Variants in CDYL observed in about 807,000 individuals in gnomAD.
CDYL encodes chromodomain Y like.
CDYL carries 8 observed loss-of-function variants against 47.3 expected under a neutral mutation model. That is an observed-to-expected ratio of 0.17 (90% CI 0.10 to 0.31). The LOEUF is 0.31. CDYL is among the 10% of genes least tolerant of loss of function. The pLI is 1.00. For synonymous variants in CDYL, 266 were observed against 265.0 expected (o/e 1.00, Z -0.04); for missense variants, 471 against 701.4 (o/e 0.67, Z 3.71).
intron 2 of CDYL, among the ~76,000 whole-genome samples, chr6:4,716,049 C>A (rs1757254256): frequency 6.6e-6 from 1 of 151,940 alleles, no homozygotes; most frequent in Non-Finnish European, 1.5e-5. Flanking sequence ...GAGATCGAGA[C>A]CATCCTGGTT....
intron 1 of CDYL, chr6:4,714,723 C>T (rs2127407545): frequency 6.6e-6 from 1 of 152,284 alleles, no homozygotes; most frequent in Middle Eastern, 3.4e-3. Context: ...CATATGGAGC[C>T]CAGTGTGGAT....
intron 4 of CDYL, among the ~76,000 whole-genome samples, chr6:4,938,082 G>T (rs372023952): frequency 1.3e-5 from 2 of 152,200 alleles, no homozygotes; most frequent in South Asian, 2.1e-4. Flanking sequence ...TATTTGTGCC[G>T]TGAGTATGTT....
chr6:4,718,912 G>GA (rs1491263864), intron 2 of CDYL, among the ~76,000 whole-genome samples: 5 of 132,806 alleles, frequency 3.8e-5, no homozygotes, highest in African/African-American at 5.5e-5. Flanking sequence ...ATTTCCACTG[G>GA]TTTTTTTTTT....
chr6:4,901,795 A>G (rs924854781), intron 2 of CDYL, among the ~76,000 whole-genome samples: 1 of 152,208 alleles, frequency 6.6e-6, no homozygotes, highest in African/African-American at 2.4e-5. Flanking sequence ...AGCAAATGAA[A>G]TGGCATCTGT....
At chr6:4,842,851 A>G (rs1760541969) in intron 1 of CDYL, among the ~76,000 whole-genome samples, 1 of 152,030 alleles carries the variant, frequency 6.6e-6, no homozygotes, top group Non-Finnish European at 1.5e-5. Flanking sequence ...CCATTATGTT[A>G]TTGCTATATA....
At chr6:4,887,306 G>T (rs931370607) in intron 1 of CDYL, among the ~76,000 whole-genome samples, 6 of 152,088 alleles carry the variant, frequency 3.9e-5, no homozygotes, top group African/African-American at 1.4e-4. Flanking sequence ...GGTATTAACA[G>T]TATTAAGTCC....
intron 1 of CDYL, among the ~76,000 whole-genome samples, chr6:4,846,694 G>A (rs1271526970): frequency 6.6e-6 from 1 of 152,046 alleles, no homozygotes; most frequent in African/African-American, 2.4e-5. Flanking sequence ...GGTGACAGAA[G>A]CAAGACATAG....
chr6:4,755,456 C>T (rs1158070501), intron 3 of CDYL, among the ~76,000 whole-genome samples: 1 of 152,138 alleles, frequency 6.6e-6, no homozygotes, highest in East Asian at 1.9e-4. Flanking sequence ...TCATGCTGAC[C>T]TAGGATAACT....
intron 3 of CDYL, among the ~76,000 whole-genome samples, chr6:4,767,147 A>G (rs895535807): frequency 2.0e-5 from 3 of 152,232 alleles, no homozygotes; most frequent in African/African-American, 7.2e-5. Context: ...TTATTCCAGA[A>G]AAAGAAATTT....
intron 1 of CDYL, among the ~76,000 whole-genome samples, chr6:4,843,214 G>T (rs1408487721): frequency 6.6e-6 from 1 of 152,066 alleles, no homozygotes; most frequent in Non-Finnish European, 1.5e-5. Context: ...TCCTTTATAG[G>T]TTACCTGGTG....
intron 1 of CDYL, among the ~76,000 whole-genome samples, chr6:4,874,699 C>T (rs957355036): frequency 6.6e-6 from 1 of 152,356 alleles, no homozygotes; most frequent in African/African-American, 2.4e-5. Flanking sequence ...ATTTTCACCA[C>T]CTGACAGTTT....
intron 2 of CDYL, among the ~76,000 whole-genome samples, chr6:4,923,475 G>A (rs1266650557): frequency 6.6e-6 from 1 of 152,070 alleles, no homozygotes; most frequent in Non-Finnish European, 1.5e-5. Flanking sequence ...ATTTGTTGAT[G>A]GGCACTTAGG....
chr6:4,896,621 T>C (rs9502248), intron 2 of CDYL, among the ~76,000 whole-genome samples: 16,909 of 152,190 alleles, frequency 0.11, 2,526 homozygotes, highest in African/African-American at 0.33. Context: ...GTTCGCCCTC[T>C]GGCACATGCT....
chr6:4,937,094 T>G (rs1009387117), intron 3 of CDYL, among the ~76,000 whole-genome samples: 5 of 152,194 alleles, frequency 3.3e-5, no homozygotes, highest in African/African-American at 1.2e-4. Context: ...CGGTGGCTAA[T>G]GCATGTAATC....
intron 1 of CDYL, among the ~76,000 whole-genome samples, chr6:4,788,502 A>AAAT (rs70974137): frequency 6.7e-6 from 1 of 148,848 alleles, no homozygotes; most frequent in Non-Finnish European, 1.5e-5. Context: ...AAAAAAAAAA[A>AAAT]GGCTTTTCAG....
intron 3 of CDYL, among the ~76,000 whole-genome samples, chr6:4,743,909 A>C (rs555314905): frequency 1.4e-4 from 21 of 152,346 alleles, no homozygotes; most frequent in South Asian, 4.1e-4. Flanking sequence ...AGAGTATATG[A>C]CTTAGATAAA....
chr6:4,814,059 A>C (rs1759603251), intron 1 of CDYL, among the ~76,000 whole-genome samples: 1 of 151,934 alleles, frequency 6.6e-6, no homozygotes, highest in Non-Finnish European at 1.5e-5. Context: ...GGATTACAGG[A>C]TAAGCCACTG....
intron 1 of CDYL, among the ~76,000 whole-genome samples, chr6:4,808,959 A>T (rs891868241): frequency 6.6e-6 from 1 of 152,084 alleles, no homozygotes; most frequent in African/African-American, 2.4e-5. Flanking sequence ...TGAAATATTG[A>T]TGTGGCTTCC....
intron 3 of CDYL, among the ~76,000 whole-genome samples, chr6:4,736,469 C>G (rs865949989): frequency 4.6e-5 from 7 of 152,150 alleles, no homozygotes; most frequent in Admixed American, 1.3e-4. Context: ...GACAAAGAAC[C>G]CTTGCACTAG....
Sources: gnomAD v4.1 joint callset for allele counts (sites outside exome capture counted in the v4.1 genomes callset) on GRCh38, gnomAD v4.1.1 for gene constraint, MANE v1.5 for transcripts, NCBI Gene and HGNC (gene_info 2026-07-23, HGNC 2026-07-21) for gene names.